DMRT3: variants seen among roughly 807,000 people sequenced by gnomAD.
DMRT3 encodes the protein doublesex and mab-3 related transcription factor 3.
DMRT3 carries 29 observed loss-of-function variants against 34.9 expected under a neutral mutation model. That is an observed-to-expected ratio of 0.83 (90% CI 0.62 to 1.13). DMRT3 has a LOEUF of 1.13. Among genes scored for constraint, DMRT3 ranks in the 50% most tolerant of loss-of-function variants. DMRT3 has a pLI of 0.00. For synonymous variants in DMRT3, 350 were observed against 286.0 expected, an observed-to-expected ratio of 1.22 and a Z score of -2.26; for missense variants, 772 against 629.1, an observed-to-expected ratio of 1.23 and a Z score of -2.43.
rs761365396 is a variant in DMRT3, at chr9:976,959, C to T, written c.-43C>T. 7 of 1,430,700 alleles carry T rather than the reference C, an allele frequency of 4.9e-6. No individual in the cohort carries two copies. The highest frequency in any genetic ancestry group is 1.5e-5 in the South Asian group (1 of 65,688). 88.6% of individuals were successfully genotyped at this position (1,430,700 alleles called of 1,614,324 possible). A position where few individuals can be genotyped will look rare whatever the true frequency, so the allele number is the denominator to read the frequency against. On this transcript the variant is annotated 5_prime_UTR_variant, in exon 1 of 2. Transcript: ENST00000190165. The surrounding 1 kb of genome is among the most constrained non-coding windows in gnomAD (Gnocchi z 4.5). ...CCCCGCCGTCCAGCGCTCCCTGGCC[C>T]TCTCCCGCAGCCAGGCTGCCAACTC...
At chr9:983,046 C>G (rs760369108) in intron 1 of DMRT3, among the ~76,000 whole-genome samples, 6 of 152,172 alleles carry the variant, frequency 3.9e-5, no homozygotes, top group Non-Finnish European at 5.9e-5. Flanking sequence ...CGTCCCACAT[C>G]GCCTTAGTGA....
intron 1 of DMRT3, among the ~76,000 whole-genome samples, chr9:983,928 T>A (rs1218750203): frequency 4.0e-5 from 6 of 150,138 alleles, no homozygotes; most frequent in African/African-American, 1.5e-4. Flanking sequence ...TTTTTTTAAC[T>A]TTTCACAACC....
intron 1 of DMRT3, among the ~76,000 whole-genome samples, chr9:986,009 G>C (rs1820278556): frequency 6.6e-6 from 1 of 152,212 alleles, no homozygotes; most frequent in Admixed American, 6.5e-5. Context: ...TTTGGCTATA[G>C]CCAGACGGCA....
At position 991,199 on chromosome 9, in the gene DMRT3, C is replaced by A; in HGVS notation, c.*194C>A. 1.5e-6 allele frequency: 1 copy of A among 655,190 alleles called. No individual in the cohort carries two copies. The highest frequency in any genetic ancestry group is 1.8e-5 in the African/African-American group (1 of 55,048). 40.6% of individuals were successfully genotyped at this position (655,190 alleles called of 1,614,324 possible). A position where few individuals can be genotyped will look rare whatever the true frequency, so the allele number is the denominator to read the frequency against. ...CTTCACTGGAAAATGCCAAATAGCT[C>A]TGTTCTGTGGCTTTAGTGCTGAATG... On this transcript the variant is annotated 3_prime_UTR_variant, in exon 2 of 2. Coordinates refer to ENST00000190165, the MANE Select transcript of DMRT3 (RefSeq NM_021240.4).
chr9:986,089 G>T (rs1820279523), intron 1 of DMRT3, among the ~76,000 whole-genome samples: 3 of 152,318 alleles, frequency 2.0e-5, no homozygotes, highest in South Asian at 4.1e-4. Context: ...GTAACCAGAA[G>T]TGCATGATGC....
Position 977,120 on chromosome 9 carries a change from G to A in DMRT3, c.119G>A (p.Trp40Ter). ...TGCCGCAACCATGGCGTCCTGTCCT[G>A]GCTCAAGGGCCACAAGCGTTACTGC... ...ARCRNHGVLS[W>*]LKGHKRYCRF... The change falls in exon 1 of 2, where the codon TGG (tryptophan) becomes TAG (stop). Residue 40 changes from tryptophan to a stop codon, truncating the protein, a stop_gained. Coordinates refer to ENST00000190165, the MANE Select transcript of DMRT3 (RefSeq NM_021240.4). LOFTEE classifies it high-confidence loss of function. 1 of 1,610,302 alleles carries A rather than the reference G, an allele frequency of 6.2e-7. No homozygotes were observed. Among genetic ancestry groups the A allele is most frequent in the East Asian group, 2.2e-5 (1 of 44,730 alleles).
rs1464742031 is a variant in DMRT3, at chr9:990,776, T to G, written c.1190T>G (p.Leu397Arg). Residue 397 changes from leucine (L) to arginine (R), a missense_variant, in exon 2 of 2, where the codon CTG becomes CGG. Transcript: ENST00000190165. ...GTCACCCTGTGGAACACCATGACGC[T>G]GCAGCAGCAGTATCAGCTGAGGTCC... is the stretch of plus-strand genomic sequence containing the variant. ...NDVTLWNTMT[L>R]QQQYQLRSQY... 1 of 1,614,040 alleles carries G rather than the reference T, an allele frequency of 6.2e-7. No homozygotes were observed. The highest frequency in any genetic ancestry group is 1.3e-5 in the African/African-American group (1 of 74,928).
chr9:983,938 C>G lies in DMRT3; in HGVS notation c.455-6103C>G, dbSNP rs548563210. On this transcript the variant is annotated intron_variant, in intron 1 of 1. Transcript: ENST00000190165. ...TTTTTTTTTTTTAACTTTTCACAACCCTCCCCAACCCGGCAATCCACCCCA... is the reference window on the plus strand; with the variant it reads ...TTTTTTTTTTTTAACTTTTCACAACGCTCCCCAACCCGGCAATCCACCCCA... 2.0e-5 allele frequency among the ~76,000 whole-genome samples: 3 copies of G among 150,680 alleles called. No individual in the cohort carries two copies. In the South Asian group the frequency reaches 6.3e-4, roughly 32 times the overall value.
chr9:981,639 T>G lies in DMRT3; in HGVS notation c.454+4184T>G, dbSNP rs555471593. 5.3e-5 allele frequency among the ~76,000 whole-genome samples: 8 copies of G among 152,244 alleles called. No individual in the cohort carries two copies. The South Asian group carries it at 1.7e-3, about 32-fold the overall frequency. ...CTTGGCCTGGCCGGTTTGCACGCAG[T>G]GCAGTTGCTGTGTGTGTGTTGCGGA... On this transcript the variant is annotated intron_variant, in intron 1 of 1. Transcript: ENST00000190165.
At chr9:985,083 C>T (rs1820267901) in intron 1 of DMRT3, among the ~76,000 whole-genome samples, 1 of 152,090 alleles carries the variant, frequency 6.6e-6, no homozygotes, top group South Asian at 2.1e-4. Flanking sequence ...CTTTTAAAAA[C>T]CTCTTTACCC....
chr9:979,457 G>A (rs1393147115), intron 1 of DMRT3, among the ~76,000 whole-genome samples: 1 of 152,168 alleles, frequency 6.6e-6, no homozygotes, highest in Non-Finnish European at 1.5e-5. Context: ...CACAAGGCGA[G>A]GTCCAAGTGA....
In DMRT3 at chr9:977,184, C is replaced by T. The variant is rs1185402179; in HGVS notation, c.183C>T (p.Ile61=). ...KDCTCEKCIL[I]IERQRVMAAQ... is the part of the protein sequence containing the mutation. ...GCACCTGCGAGAAGTGCATCCTCATCATCGAGCGGCAGCGGGTCATGGCTG... is the reference window on the plus strand; with the variant it reads ...GCACCTGCGAGAAGTGCATCCTCATTATCGAGCGGCAGCGGGTCATGGCTG... The change falls in exon 1 of 2, where the codon ATC becomes ATT. Residue 61 remains isoleucine, a synonymous_variant. Transcript: ENST00000190165. The T allele has an allele frequency of 6.2e-7, 1 of 1,610,308 alleles. No homozygotes were observed.
rs1820359771 is a variant in DMRT3, at chr9:991,152, A to G, written c.*147A>G. The G allele has an allele frequency of 4.4e-6, 5 of 1,130,308 alleles. No homozygotes were observed. Among genetic ancestry groups the G allele is most frequent in the Non-Finnish European group, 6.2e-6 (5 of 804,202 alleles). The allele number at this position is 1,130,308 out of a possible 1,614,324, so 70.0% of individuals were successfully genotyped here. A position where few individuals can be genotyped will look rare whatever the true frequency, so the allele number is the denominator to read the frequency against. Reference sequence around the variant, plus strand: ...GATTCTATACATTAGCAATAAAAACATAACTTATTTAACTTCTTGCACTTC... The same window carrying G: ...GATTCTATACATTAGCAATAAAAACGTAACTTATTTAACTTCTTGCACTTC... On this transcript the variant is annotated 3_prime_UTR_variant, in exon 2 of 2. Transcript: ENST00000190165.
chr9:990,302 T>G lies in DMRT3; in HGVS notation c.716T>G (p.Val239Gly), dbSNP rs771811953. 22 of 1,613,504 alleles carry G rather than the reference T, an allele frequency of 1.4e-5. No homozygotes were observed. The highest frequency in any genetic ancestry group is 1.5e-5 in the Non-Finnish European group (18 of 1,179,988). ...HLLIEGPSGT[V>G]SLPFSLKANR... Reference sequence around the variant, plus strand: ...CTGATTGAGGGCCCCTCGGGGACTGTTTCTCTGCCCTTCAGCTTGAAAGCC... The same window carrying G: ...CTGATTGAGGGCCCCTCGGGGACTGGTTCTCTGCCCTTCAGCTTGAAAGCC... Residue 239 changes from valine (V) to glycine (G), a missense_variant, in exon 2 of 2, where the codon GTT becomes GGT. By Grantham distance (109) the Val-to-Gly change is moderately radical. Transcript: ENST00000190165.
chr9:981,262 C>CT (rs993528926), intron 1 of DMRT3, among the ~76,000 whole-genome samples: 4 of 151,126 alleles, frequency 2.6e-5, no homozygotes, highest in East Asian at 1.9e-4. Context: ...AGTCCACTTC[C>CT]TTTTTTTTTA....
Position 990,843 on chromosome 9 carries a change from C to T in DMRT3, c.1257C>T (p.Phe419=), listed in dbSNP as rs1488266570. The T allele has an allele frequency of 1.2e-6, 2 of 1,614,150 alleles. No homozygotes were observed. The highest frequency in any genetic ancestry group is 2.2e-5 in the South Asian group (2 of 91,078). Residue 419 remains phenylalanine (F), a synonymous_variant, in exon 2 of 2, where the codon TTC becomes TTT. Transcript: ENST00000190165. ...SPFPSNSTSV[F]RSSPVLPARA... ...TCCCCAGTAACTCTACCAGCGTCTT[C>T]AGAAGCTCGCCCGTCCTTCCTGCCC... is the stretch of plus-strand genomic sequence containing the variant.
At chr9:980,264 T>A (rs1300326075) in intron 1 of DMRT3, among the ~76,000 whole-genome samples, 1 of 152,202 alleles carries the variant, frequency 6.6e-6, no homozygotes, top group Admixed American at 6.5e-5. Context: ...AAGAATTTTT[T>A]CTCAAATTCT....
intron 1 of DMRT3, among the ~76,000 whole-genome samples, chr9:982,928 C>T (rs1325557806): frequency 6.6e-6 from 1 of 152,156 alleles, no homozygotes; most frequent in Non-Finnish European, 1.5e-5. Context: ...TTGTCTAGTC[C>T]TGTGTGGCTC....
At chr9:978,593 C>G (rs1820180112) in intron 1 of DMRT3, among the ~76,000 whole-genome samples, 1 of 152,164 alleles carries the variant, frequency 6.6e-6, no homozygotes, top group African/African-American at 2.4e-5. Context: ...CTTTCAGGAG[C>G]CCAGGACTGC....
Sources: gnomAD v4.1 joint callset for allele counts (sites outside exome capture counted in the v4.1 genomes callset) on GRCh38, gnomAD v4.1.1 for gene constraint, Gnocchi (gnomAD v3.1) non-coding constraint, MANE v1.5 for transcripts, NCBI Gene and HGNC (gene_info 2026-07-23, HGNC 2026-07-21) for gene names.